Variants in COL5A2 observed in about 807,000 individuals in gnomAD.
COL5A2 encodes collagen alpha-2(V) chain.
A neutral mutation model predicts 208.2 loss-of-function variants in COL5A2; 23 were observed. The ratio of observed to expected loss-of-function variants is 0.11; its 90% confidence interval spans 0.08 to 0.16. The LOEUF is 0.16. Among genes scored for constraint, COL5A2 ranks in the 10% least tolerant of loss-of-function variants. The pLI, the probability that COL5A2 is intolerant of heterozygous loss-of-function variation, is 1.00. For missense variants in COL5A2, 1,590 were observed against 1,956.4 expected (o/e 0.81, Z 3.53); for synonymous variants, 625 against 628.5 (o/e 0.99, Z 0.08).
At chr2:189,108,331 A>C (rs1219458685) in intron 2 of COL5A2, among the ~76,000 whole-genome samples, 1 of 151,784 alleles carries the variant, frequency 6.6e-6, no homozygotes, top group African/African-American at 2.4e-5. Context: ...ACCCCACAGA[A>C]ATGCTTTTAC....
At chr2:189,051,236 C>A (rs1206752722) in intron 42 of COL5A2, 84 bp downstream of exon 42, 3 of 1,560,794 alleles carry the variant, frequency 1.9e-6, no homozygotes, top group Non-Finnish European at 2.6e-6. Flanking sequence ...AATATTTAAG[C>A]ATTTTTGTGA....
At chr2:189,348,391 T>C in the COL5A2 span, among the ~76,000 whole-genome samples, 5 of 152,076 alleles carry the variant, frequency 3.3e-5, no homozygotes, top group African/African-American at 9.7e-5. Context: ...ACCCCAGTTA[T>C]GAAAGAAGAT....
At chr2:189,256,061 T>C in the COL5A2 span, among the ~76,000 whole-genome samples, 32 of 152,334 alleles carry the variant, frequency 2.1e-4, 1 homozygote, top group African/African-American at 6.0e-4. Flanking sequence ...TTCAGATGTC[T>C]CTATCTCGTG....
At chr2:189,125,657 T>G (rs1368114809) in intron 1 of COL5A2, among the ~76,000 whole-genome samples, 1 of 152,162 alleles carries the variant, frequency 6.6e-6, no homozygotes, top group Non-Finnish European at 1.5e-5. Context: ...TCTAGCTTCA[T>G]TTATTGTAAG....
chr2:189,399,332 C>A, the COL5A2 span, among the ~76,000 whole-genome samples: 3 of 151,036 alleles, frequency 2.0e-5, no homozygotes, highest in Non-Finnish European at 2.9e-5. Context: ...CTCACTTCAA[C>A]CTCCACCTCC....
At chr2:189,071,991 CAT>C (rs752329114) in intron 18 of COL5A2, 47 bp downstream of exon 18, 1 of 1,197,964 alleles carries the variant, frequency 8.3e-7, no homozygotes, top group Admixed American at 1.9e-5. Flanking sequence ...CTTTGGGACT[CAT>C]GTAATCATGT....
the COL5A2 span, among the ~76,000 whole-genome samples, chr2:189,255,412 C>T: frequency 6.6e-6 from 1 of 152,100 alleles, no homozygotes; most frequent in East Asian, 1.9e-4. Flanking sequence ...CAAATGGCAA[C>T]CTTATTTTCC....
Position 189,096,621 on chromosome 2 carries a change from C to CAAAA in COL5A2, c.456+652_456+655dup, listed in dbSNP as rs777945216. 5.3e-3 allele frequency among the ~76,000 whole-genome samples: 373 copies of CAAAA among 70,962 alleles called. 4 individuals carry two copies. Among genetic ancestry groups the CAAAA allele is most frequent in the African/African-American group, 0.01 (193 of 18,694 alleles). The allele number at this position is 70,962 out of a possible 152,430, so 46.6% of individuals were successfully genotyped here. On this transcript the variant is annotated intron_variant, in intron 6 of 53. Coordinates refer to ENST00000374866, the MANE Select transcript of COL5A2 (RefSeq NM_000393.5). ...TGGGTGACAGAGCGAGACTCCGTCT[C>CAAAA]AAAAAAAAAAAAAAAAAGAAAAAAA...
At chr2:189,056,687 G>T in intron 35 of COL5A2, 1 of 476,160 alleles carries the variant, frequency 2.1e-6, no homozygotes, top group East Asian at 4.0e-5. Flanking sequence ...TAAACCTTGT[G>T]TATGAAATAA....
chr2:189,334,179 G>A, the COL5A2 span, among the ~76,000 whole-genome samples: 5 of 151,952 alleles, frequency 3.3e-5, no homozygotes, highest in African/African-American at 1.2e-4. Flanking sequence ...GTAAAACGCT[G>A]AAGGCTGTCA....
the COL5A2 span, among the ~76,000 whole-genome samples, chr2:189,346,872 A>G: frequency 2.6e-4 from 40 of 152,192 alleles, no homozygotes; most frequent in African/African-American, 9.7e-4. Context: ...TCTGAGGGAA[A>G]TGTTCAGGCA....
intron 8 of COL5A2, among the ~76,000 whole-genome samples, chr2:189,087,573 C>T (rs1410031218): frequency 6.6e-6 from 1 of 151,690 alleles, no homozygotes; most frequent in Admixed American, 6.6e-5. Flanking sequence ...ACGCCTCAGC[C>T]TCCCAAGTAG....
At chr2:189,046,469 G>A (rs1333987987) in intron 45 of COL5A2, among the ~76,000 whole-genome samples, 1 of 152,078 alleles carries the variant, frequency 6.6e-6, no homozygotes, top group Non-Finnish European at 1.5e-5. Flanking sequence ...AATACCTCTA[G>A]GCACTGAACT....
chr2:189,415,663 C>T, the COL5A2 span, among the ~76,000 whole-genome samples: 1 of 151,930 alleles, frequency 6.6e-6, no homozygotes, highest in Non-Finnish European at 1.5e-5. Context: ...AATATATATA[C>T]ATTTTTCTTT....
the COL5A2 span, among the ~76,000 whole-genome samples, chr2:189,394,568 C>T: frequency 3.3e-5 from 5 of 152,212 alleles, no homozygotes; most frequent in Non-Finnish European, 5.9e-5. Context: ...TCCATACTAG[C>T]ACCCTGATCT....
chr2:189,178,516 AT>A (rs1688720696), intron 1 of COL5A2, among the ~76,000 whole-genome samples: 1 of 152,082 alleles, frequency 6.6e-6, no homozygotes, highest in African/African-American at 2.4e-5. Flanking sequence ...ACAGTGGCTT[AT>A]TTTAAAGGAG....
chr2:189,059,362 G>C (rs969902622), intron 31 of COL5A2, among the ~76,000 whole-genome samples: 2 of 151,886 alleles, frequency 1.3e-5, no homozygotes, highest in Non-Finnish European at 2.9e-5. Context: ...ACTCTACTAG[G>C]TATTGTGCAT....
the COL5A2 span, among the ~76,000 whole-genome samples, chr2:189,348,571 T>C: frequency 2.0e-5 from 3 of 152,182 alleles, no homozygotes; most frequent in South Asian, 6.2e-4. Flanking sequence ...TGCCTCAATG[T>C]GTCATCTTGA....
chr2:189,188,550 C>T (rs1284094407), intron 1 of COL5A2, among the ~76,000 whole-genome samples: 1 of 152,142 alleles, frequency 6.6e-6, no homozygotes. Flanking sequence ...AGACAATTCT[C>T]TGTAGCTAAA....
Sources: gnomAD v4.1 joint callset for allele counts (sites outside exome capture counted in the v4.1 genomes callset) on GRCh38, gnomAD v4.1.1 for gene constraint, MANE v1.5 for transcripts, NCBI Gene and HGNC (gene_info 2026-07-23, HGNC 2026-07-21) for gene names.